Variants in WDR1 observed in about 807,000 individuals in gnomAD.
WDR1 encodes WD repeat domain 1.
Under a neutral mutation model 71.9 loss-of-function variants are expected in WDR1, and 21 were observed. That is an observed-to-expected ratio of 0.29 (90% CI 0.21 to 0.42). WDR1 has a LOEUF of 0.42. WDR1 is among the 10% of genes least tolerant of loss of function. WDR1 has a pLI of 1.00. For synonymous variants in WDR1, 424 were observed against 347.4 expected (o/e 1.22, Z -2.45); for missense variants, 696 against 824.5 (o/e 0.84, Z 1.91).
At position 10,088,186 on chromosome 4, in the gene WDR1, G is replaced by A. The variant is rs1711708763; in HGVS notation, c.717+107C>T. 1.4e-5 allele frequency: 16 copies of A among 1,128,678 alleles called. No homozygotes were observed. The South Asian group carries it at 1.5e-4, about 10-fold the overall frequency. The allele number at this position is 1,128,678 out of a possible 1,614,324, so 69.9% of individuals were successfully genotyped here. On this transcript the variant is annotated intron_variant, in intron 7 of 14. Transcript: ENST00000499869. Reference sequence around the variant, plus strand: ...AGATATAAAACCGCCCCGACTTATAGCCCCTCATTTCAAGTTTTTGTCTAA... The same window carrying A: ...AGATATAAAACCGCCCCGACTTATAACCCCTCATTTCAAGTTTTTGTCTAA...
chr4:10,082,502 A>G (rs1765058015), intron 10 of WDR1, among the ~76,000 whole-genome samples: 1 of 152,206 alleles, frequency 6.6e-6, no homozygotes, highest in Admixed American at 6.5e-5. Flanking sequence ...GATCACTTGC[A>G]AACTGCTACT....
chr4:10,116,542 C>T (rs1480186330), intron 1 of WDR1, 109 bp downstream of exon 1: 2 of 893,626 alleles, frequency 2.2e-6, no homozygotes, highest in Non-Finnish European at 2.7e-6. Flanking sequence ...CGCCCGCACC[C>T]CTCCCCCGCG....
At chr4:10,111,394 G>GC (rs1253539224) in intron 2 of WDR1, among the ~76,000 whole-genome samples, 1 of 152,138 alleles carries the variant, frequency 6.6e-6, no homozygotes. Flanking sequence ...TGAGATGAAG[G>GC]CCCCCCACCA....
At chr4:10,107,411 C>T (rs561014187) in intron 2 of WDR1, among the ~76,000 whole-genome samples, 7 of 152,300 alleles carry the variant, frequency 4.6e-5, no homozygotes, top group South Asian at 2.1e-4. Context: ...TCCACCAAGC[C>T]GGTAGTCTTC....
chr4:10,087,493 G>A (rs933371543), intron 8 of WDR1, among the ~76,000 whole-genome samples: 1 of 152,238 alleles, frequency 6.6e-6, no homozygotes, highest in African/African-American at 2.4e-5. Flanking sequence ...AGCTCAAGGG[G>A]AACTTGGCAC....
At chr4:10,075,613 G>T (rs952718998) in intron 14 of WDR1, 129 bp from the exon 15 acceptor site, 3 of 828,032 alleles carry the variant, frequency 3.6e-6, no homozygotes, top group Non-Finnish European at 5.9e-6. Context: ...ACGAATCGTT[G>T]TAACTCAGGA....
rs1267233448 is a variant in WDR1 at position 10,088,606 on chromosome 4, A to G, written c.636+58T>C. On this transcript the variant is annotated intron_variant, in intron 6 of 14. Coordinates refer to ENST00000499869, the MANE Select transcript of WDR1 (RefSeq NM_017491.5). ...CATTAGGCAGCCTGCGGCTCTGAGCAGTCACGGGAGCAGGCAGACAAGCCA... is the reference window on the plus strand; with the variant it reads ...CATTAGGCAGCCTGCGGCTCTGAGCGGTCACGGGAGCAGGCAGACAAGCCA... 4.9e-6 allele frequency: 7 copies of G among 1,431,932 alleles called. No individual in the cohort carries two copies. The Admixed American group carries it at 1.3e-4, about 27-fold the overall frequency. The allele number at this position is 1,431,932 out of a possible 1,614,324, so 88.7% of individuals were successfully genotyped here.
intron 5 of WDR1, chr4:10,093,256 A>C: frequency 1.3e-6 from 1 of 744,456 alleles, no homozygotes; most frequent in Non-Finnish European, 2.0e-6. Flanking sequence ...CCACAAGCCC[A>C]CCCTTAGGCT....
At chr4:10,105,807 A>G (rs4697703) in intron 2 of WDR1, among the ~76,000 whole-genome samples, 26,585 of 152,248 alleles carry the variant, frequency 0.17, 2,614 homozygotes, top group Admixed American at 0.25. Context: ...TGTGTCCACC[A>G]AAAGACACAG....
chr4:10,086,761 G>A (rs939251109), intron 8 of WDR1, among the ~76,000 whole-genome samples: 1 of 152,208 alleles, frequency 6.6e-6, no homozygotes, highest in African/African-American at 2.4e-5. Context: ...AAGGGCTGCT[G>A]GGATGAAGTG....
At chr4:10,098,168 G>A (rs916494498) in intron 4 of WDR1, among the ~76,000 whole-genome samples, 4 of 152,200 alleles carry the variant, frequency 2.6e-5, no homozygotes, top group Non-Finnish European at 5.9e-5. Flanking sequence ...ACAGGGCCCA[G>A]GGCTATCTTT....
At chr4:10,115,966 C>A in intron 2 of WDR1, 147 bp downstream of exon 2, 1 of 1,125,100 alleles carries the variant, frequency 8.9e-7, no homozygotes, top group South Asian at 1.6e-5. Context: ...TTCCGGGGCT[C>A]CGAGGTGTGG....
intron 5 of WDR1, chr4:10,092,992 G>GC: frequency 1.7e-6 from 2 of 1,182,672 alleles, no homozygotes; most frequent in South Asian, 1.3e-5. Flanking sequence ...GTATCAACGA[G>GC]CCCCCCTCCC....
At chr4:10,077,177 G>T in intron 14 of WDR1, 127 bp downstream of exon 14, 1 of 1,285,884 alleles carries the variant, frequency 7.8e-7, no homozygotes, top group Non-Finnish European at 1.1e-6. Flanking sequence ...AACTCTTCCG[G>T]GCCACCTGTC....
At chr4:10,091,194 C>T (rs375547200) in intron 5 of WDR1, among the ~76,000 whole-genome samples, 4 of 152,378 alleles carry the variant, frequency 2.6e-5, no homozygotes, top group African/African-American at 9.6e-5. Flanking sequence ...TGCTAGAGGT[C>T]ACCCTTCCTT....
intron 9 of WDR1, 136 bp downstream of exon 9, chr4:10,084,307 C>T: frequency 4.0e-6 from 3 of 750,686 alleles, no homozygotes; most frequent in Non-Finnish European, 6.9e-6. Context: ...CCCTAGAAGC[C>T]ACACGGGTCA....
intron 5 of WDR1, chr4:10,092,930 C>A (rs1712093580): frequency 6.7e-6 from 4 of 599,538 alleles, no homozygotes; most frequent in African/African-American, 3.8e-5. Context: ...GGTGTCCGGT[C>A]CACACTCCTG....
chr4:10,077,552 C>A, intron 13 of WDR1, 104 bp from the exon 14 acceptor site: 1 of 1,557,638 alleles, frequency 6.4e-7, no homozygotes, highest in South Asian at 1.2e-5. Context: ...ACCGAGGTTT[C>A]TCACGCGCTA....
In WDR1 at chr4:10,075,083, T is replaced by C. The variant is rs1291659731; in HGVS notation, c.*295A>G. 2 of 468,290 alleles carry C rather than the reference T, an allele frequency of 4.3e-6. No individual in the cohort carries two copies. The highest frequency in any genetic ancestry group is 7.5e-6 in the Non-Finnish European group (2 of 265,054). 29.0% of individuals were successfully genotyped at this position (468,290 alleles called of 1,614,324 possible). ...GGGCTCTGTGTGCTTTGGAGGCTAC[T>C]GCCTCTGGAATGTTTCGCATTCTCA... On this transcript the variant is annotated 3_prime_UTR_variant, in exon 15 of 15. Coordinates refer to ENST00000499869, the MANE Select transcript of WDR1 (RefSeq NM_017491.5).
Sources: allele counts gnomAD v4.1 joint callset (sites outside exome capture counted in the v4.1 genomes callset), GRCh38; gene constraint gnomAD v4.1.1; transcripts MANE v1.5; gene names NCBI Gene and HGNC (gene_info 2026-07-23, HGNC 2026-07-21).